TRPM3: variants seen among roughly 807,000 people sequenced by gnomAD.
TRPM3 encodes transient receptor potential cation channel subfamily M member 3, also known as long transient receptor potential channel 3.
Under a neutral mutation model 181.2 loss-of-function variants are expected in TRPM3, and 77 were observed. The observed-to-expected ratio is 0.42, with a 90% CI of 0.35 to 0.51. The LOEUF (loss-of-function observed/expected upper bound fraction) is 0.51, where lower values mean the gene tolerates loss of function less well. Among genes scored for constraint, TRPM3 ranks in the 20% least tolerant of loss-of-function variants. The pLI is 0.01. For missense variants in TRPM3, 1,759 were observed against 2,196.7 expected, an observed-to-expected ratio of 0.80 and a Z score of 3.98; for synonymous variants, 745 against 796.4, an observed-to-expected ratio of 0.94 and a Z score of 1.09.
At chr9:71,121,924 T>C (rs777262775), upstream of TRPM3, among the ~76,000 whole-genome samples, 112 of 152,152 alleles carry the variant, frequency 7.4e-4, no homozygotes, top group Non-Finnish European at 1.6e-4. Context: ...AATACATCTA[T>C]AGTAAAAGAG....
At chr9:71,108,137 C>T (rs1426635670) in intron 1 of TRPM3, among the ~76,000 whole-genome samples, 1 of 152,182 alleles carries the variant, frequency 6.6e-6, no homozygotes, top group Non-Finnish European at 1.5e-5. Flanking sequence ...TCCAGACTCT[C>T]TAAGCCTCTT....
chr9:70,994,909 CT>C (rs1210520847), intron 1 of TRPM3, among the ~76,000 whole-genome samples: 1 of 152,202 alleles, frequency 6.6e-6, no homozygotes, highest in African/African-American at 2.4e-5. Flanking sequence ...GGATGGTCAC[CT>C]CTAAAACTCT....
At position 71,296,683 on chromosome 9, in the gene TRPM3, C is replaced by T. The variant is rs574245199; in HGVS notation, c.183+149970G>A. 5.9e-5 allele frequency among the ~76,000 whole-genome samples: 9 copies of T among 152,214 alleles called. No individual in the cohort carries two copies. In the South Asian group the frequency reaches 1.9e-3, roughly 32 times the overall value. ...ATTATCTGATATATTTTTAAACTAG[C>T]ACTCTATCTGCTACTGATAAAAGGA... On this transcript the variant is annotated intron_variant, in intron 1 of 24. Transcript: ENST00000357533.
intron 1 of TRPM3, among the ~76,000 whole-genome samples, chr9:71,073,908 A>T (rs2063105743): frequency 6.6e-6 from 1 of 152,214 alleles, no homozygotes. Flanking sequence ...AAAAGCACTA[A>T]TCTAAGGAAA....
intron 9 of TRPM3, among the ~76,000 whole-genome samples, chr9:70,680,619 T>G (rs995600340): frequency 6.6e-6 from 1 of 152,178 alleles, no homozygotes; most frequent in Non-Finnish European, 1.5e-5. Context: ...TGACCAACCA[T>G]GACTCTACAG....
intron 6 of TRPM3, chr9:70,811,071 G>C (rs1211525509): frequency 2.2e-6 from 2 of 900,934 alleles, no homozygotes; most frequent in Non-Finnish European, 3.5e-6. Context: ...CAGTCATAGG[G>C]AGTGATACTG....
intron 1 of TRPM3, among the ~76,000 whole-genome samples, chr9:70,978,380 T>C (rs2097328405): frequency 6.6e-6 from 1 of 152,204 alleles, no homozygotes; most frequent in Non-Finnish European, 1.5e-5. Context: ...AACCAGCCCA[T>C]GACTACTCCA....
chr9:70,611,518 G>C (rs1161019397), intron 18 of TRPM3, among the ~76,000 whole-genome samples: 1 of 152,088 alleles, frequency 6.6e-6, no homozygotes, highest in Non-Finnish European at 1.5e-5. Flanking sequence ...CCATGATTGT[G>C]AGTTTCCCAA....
At chr9:71,312,374 T>C (rs763512680) in intron 1 of TRPM3, among the ~76,000 whole-genome samples, 2 of 152,120 alleles carry the variant, frequency 1.3e-5, no homozygotes, top group African/African-American at 2.4e-5. Context: ...TCTATTAAAA[T>C]GGCCAAAATC....
chr9:70,589,828 G>A (rs904470099), intron 22 of TRPM3, among the ~76,000 whole-genome samples: 5 of 152,172 alleles, frequency 3.3e-5, no homozygotes, highest in African/African-American at 9.6e-5. Context: ...AATAAATGAC[G>A]TACCGGTGTG....
chr9:70,685,147 TAAATA>T (rs2066439415), intron 8 of TRPM3, among the ~76,000 whole-genome samples: 1 of 152,206 alleles, frequency 6.6e-6, no homozygotes, highest in Non-Finnish European at 1.5e-5. Flanking sequence ...TATTTCATCC[TAAATA>T]AAATATTAGC....
intron 5 of TRPM3, among the ~76,000 whole-genome samples, chr9:70,831,708 C>G (rs1159652814): frequency 6.7e-6 from 1 of 150,330 alleles, no homozygotes; most frequent in African/African-American, 2.5e-5. Flanking sequence ...ATCAGGTGAG[C>G]TTTTATAGTT....
intron 1 of TRPM3, among the ~76,000 whole-genome samples, chr9:71,226,386 A>G (rs2080654963): frequency 6.6e-6 from 1 of 152,096 alleles, no homozygotes; most frequent in African/African-American, 2.4e-5. Flanking sequence ...AAAGACATAG[A>G]GTGGCTGAAT....
intron 1 of TRPM3, among the ~76,000 whole-genome samples, chr9:70,964,156 T>G (rs1390597127): frequency 1.3e-5 from 2 of 152,158 alleles, no homozygotes; most frequent in Admixed American, 6.6e-5. Flanking sequence ...ATTTTTATTC[T>G]TATTATTTAT....
chr9:70,790,379 A>G (rs2085080727), intron 6 of TRPM3, among the ~76,000 whole-genome samples: 1 of 152,198 alleles, frequency 6.6e-6, no homozygotes, highest in Non-Finnish European at 1.5e-5. Context: ...GAACAATTCA[A>G]TACTAAGTCT....
At chr9:70,766,799 C>CAACAGCATT (rs1406308368) in intron 7 of TRPM3, among the ~76,000 whole-genome samples, 1 of 152,216 alleles carries the variant, frequency 6.6e-6, no homozygotes, top group Non-Finnish European at 1.5e-5. Context: ...GCATTGTTAA[C>CAACAGCATT]AACAGCATTA....
intron 8 of TRPM3, among the ~76,000 whole-genome samples, chr9:70,698,673 G>A (rs780755943): frequency 5.3e-5 from 8 of 152,178 alleles, no homozygotes; most frequent in African/African-American, 1.9e-4. Flanking sequence ...TGTTGGAGGT[G>A]GGCCTGGTGG....
At chr9:70,600,361 C>G (rs1324884182) in intron 20 of TRPM3, among the ~76,000 whole-genome samples, 1 of 152,138 alleles carries the variant, frequency 6.6e-6, no homozygotes, top group Non-Finnish European at 1.5e-5. Flanking sequence ...TTGTGTGAAT[C>G]CTCATGTCCA....
At position 70,615,936 on chromosome 9, in the gene TRPM3, T is replaced by A; in HGVS notation, c.2498A>T (p.Glu833Val). Residue 833 changes from glutamate (E) to valine (V), a missense_variant, in exon 18 of 26, where the codon GAA becomes GTA. This residue lies in a region of TRPM3 where 114 missense variants were observed against 134.8 expected (regional missense o/e 0.85). Coordinates refer to ENST00000677713, the MANE Select transcript of TRPM3 (RefSeq NM_001366145.2). ...EAEEPEKPTK[E>V]KEEEDMELTA... ...GAGCTCCATGTCCTCTTCCTCTTTT[T>A]CCTTTGTGGGCTTCTCTGGTTCTTC... 6.2e-7 allele frequency: 1 copy of A among 1,610,838 alleles called. No homozygotes were observed. The highest frequency in any genetic ancestry group is 2.2e-5 in the East Asian group (1 of 44,794).
Sources: allele counts gnomAD v4.1 joint callset (sites outside exome capture counted in the v4.1 genomes callset), GRCh38; gene constraint gnomAD v4.1.1; regional missense constraint gnomAD v4.1.1; transcripts MANE v1.5; gene names NCBI Gene and HGNC (gene_info 2026-07-23, HGNC 2026-07-21).